Variants in PLXNB3 observed in about 807,000 individuals in gnomAD.
PLXNB3 encodes the protein plexin B3, also known as plexin-B3.
In PLXNB3, 80 loss-of-function variants were observed where a neutral mutation model predicts 125.7. The observed-to-expected ratio is 0.64, with a 90% CI of 0.53 to 0.77. The LOEUF is 0.77. Among genes scored for constraint, PLXNB3 ranks in the 30% least tolerant of loss-of-function variants. The pLI, the probability that PLXNB3 is intolerant of heterozygous loss-of-function variation, is 0.00. For missense variants in PLXNB3, 1,836 were observed against 1,729.3 expected (o/e 1.06, Z -1.09); for synonymous variants, 954 against 783.3 (o/e 1.22, Z -3.64).
Position 153,774,411 on chromosome X carries a change from G to A in PLXNB3, c.3679-9G>A, listed in dbSNP as rs782224519. 171 of 1,176,041 alleles carry A rather than the reference G, an allele frequency of 1.5e-4. 1 individual carries two copies. Among genetic ancestry groups the A allele is most frequent in the Middle Eastern group, 2.3e-4 (1 of 4,256 alleles). On this transcript the variant is annotated splice_polypyrimidine_tract_variant and intron_variant, in intron 21 of 35. Coordinates refer to ENST00000361971, the MANE Select transcript of PLXNB3 (RefSeq NM_005393.3). ...CAGCATGCACTCAGGAACCCTGCCCGCCCCCCAGGTGCAGATGGGCAATGT... is the reference window on the plus strand; with the variant it reads ...CAGCATGCACTCAGGAACCCTGCCCACCCCCCAGGTGCAGATGGGCAATGT...
intron 3 of PLXNB3, 27 bp from the exon 4 acceptor site, chrX:153,768,222 G>A: frequency 3.4e-6 from 4 of 1,165,247 alleles, no homozygotes; most frequent in Non-Finnish European, 3.5e-6. Flanking sequence ...TCTTCCGGGG[G>A]CTGATTCTCC....
rs781932434 is a variant in PLXNB3, at chrX:153,774,262, C to T, written c.3596C>T (p.Thr1199Met). 2.5e-6 allele frequency: 3 copies of T among 1,182,999 alleles called. No homozygotes were observed. The highest frequency in any genetic ancestry group is 3.4e-6 in the Non-Finnish European group (3 of 885,483). ...HIGRGECLVK[T>M]LTRTHLYCEP... is the part of the protein sequence containing the mutation. ...GGCCGCGGCGAGTGCCTGGTGAAGA[C>T]GCTCACGCGCACCCACCTGTACTGC... The change falls in exon 21 of 36, where the codon ACG (threonine) becomes ATG (methionine). Residue 1199 changes from threonine (T) to methionine (M), a missense_variant. Thr to Met is a moderately conservative substitution (Grantham distance 81). Coordinates refer to ENST00000361971, the MANE Select transcript of PLXNB3 (RefSeq NM_005393.3).
intron 2 of PLXNB3, 176 bp from the exon 3 acceptor site, chrX:153,766,697 C>G (rs1164687410): frequency 9.6e-6 from 7 of 728,461 alleles, no homozygotes; most frequent in Non-Finnish European, 1.1e-5. Flanking sequence ...ATGTCCCCCT[C>G]TCTCTGTGCC....
chrX:153,767,544 C>T lies in PLXNB3; in HGVS notation c.717C>T (p.Ala239=), dbSNP rs782656506. The T allele has an allele frequency of 2.6e-5, 30 of 1,174,234 alleles. No homozygotes were observed. In the Admixed American group the frequency reaches 5.5e-4, roughly 22 times the overall value. The change falls in exon 3 of 36, where the codon GCC becomes GCT. Residue 239 remains alanine (A), a synonymous_variant. Transcript: ENST00000361971. ...DYNNSYVGAF[A]DARSAYFVFR... ...ACAACAGCTACGTCGGGGCCTTTGC[C>T]GACGCCCGCTCCGCCTACTTCGTGT...
chrX:153,778,332 G>A lies in PLXNB3; in HGVS notation c.5474+7G>A, dbSNP rs782398229. 2.0e-5 allele frequency: 24 copies of A among 1,206,004 alleles called. No individual in the cohort carries two copies. In the Admixed American group the frequency reaches 2.8e-4, roughly 14 times the overall value. On this transcript the variant is annotated splice_region_variant and intron_variant, in intron 33 of 35. Coordinates refer to ENST00000361971, the MANE Select transcript of PLXNB3 (RefSeq NM_005393.3). ...ACAAGCAGATGGTGGAGAGGTGGGTGTCAGAGGCATCGGGGCTGCGGGGAA... is the reference window on the plus strand; with the variant it reads ...ACAAGCAGATGGTGGAGAGGTGGGTATCAGAGGCATCGGGGCTGCGGGGAA...
At chrX:153,769,108 C>A in intron 5 of PLXNB3, 32 bp downstream of exon 5, 1 of 1,201,916 alleles carries the variant, frequency 8.3e-7, no homozygotes, top group Non-Finnish European at 1.1e-6. Flanking sequence ...AAGGGGCCAG[C>A]ACACGCGGCC....
chrX:153,777,113 TC>T (rs2092005969), intron 29 of PLXNB3, 94 bp from the exon 30 acceptor site: 1 of 1,045,684 alleles, frequency 9.6e-7, no homozygotes. Flanking sequence ...TTTCTTCCAG[TC>T]CCCACACTGC....
At position 153,774,227 on chromosome X, in the gene PLXNB3, C is replaced by T. The variant is rs1318601003; in HGVS notation, c.3561C>T (p.Arg1187=). Residue 1187 remains arginine, a synonymous_variant, in exon 21 of 36, where the codon CGC becomes CGT. Transcript: ENST00000361971. ...LNLGISKEEV[R]VHIGRGECLV... ...TGGGCATCAGCAAGGAGGAGGTGCGCGTGCACATCGGCCGCGGCGAGTGCC... is the reference window on the plus strand; with the variant it reads ...TGGGCATCAGCAAGGAGGAGGTGCGTGTGCACATCGGCCGCGGCGAGTGCC... 8.4e-5 allele frequency: 101 copies of T among 1,199,849 alleles called. 1 individual carries two copies. Among genetic ancestry groups the T allele is most frequent in the Non-Finnish European group, 1.1e-4 (96 of 893,644 alleles).
In PLXNB3 at chrX:153,775,263, G is replaced by C; in HGVS notation, c.4194G>C (p.Gln1398His). The change falls in exon 25 of 36, where the codon CAG becomes CAC. Residue 1398 changes from glutamine (Q) to histidine (H), a missense_variant. Gln to His is a conservative substitution (Grantham distance 24). Coordinates refer to ENST00000361971, the MANE Select transcript of PLXNB3 (RefSeq NM_005393.3). ...TGGAGGAGCAGCCCAGCTTTTCCCA[G>C]AGGGATCGCTGCCATGTGGCTTCGC... ...HTLEEQPSFSQRDRCHVASLL... is the reference protein window; with the variant it reads ...HTLEEQPSFSHRDRCHVASLL... The C allele has an allele frequency of 8.3e-7, 1 of 1,201,519 alleles. No homozygotes were observed.
chrX:153,778,303 C>T lies in PLXNB3; in HGVS notation c.5452C>T (p.Arg1818Cys), dbSNP rs782313955. ...ACTGCTCTACGCCCGGGAGATCCCACGCTACAAGCAGATGGTGGAGAGGTG... is the reference window on the plus strand; with the variant it reads ...ACTGCTCTACGCCCGGGAGATCCCATGCTACAAGCAGATGGTGGAGAGGTG... ...NKLLYAREIP[R>C]YKQMVERYYA... is the part of the protein sequence containing the mutation. Residue 1818 changes from arginine to cysteine, a missense_variant, in exon 33 of 36, where the codon CGC (arginine) becomes TGC (cysteine). Physicochemically the swap from Arg to Cys is radical, Grantham distance 180. Coordinates refer to ENST00000361971, the MANE Select transcript of PLXNB3 (RefSeq NM_005393.3). 28 of 1,200,493 alleles carry T rather than the reference C, an allele frequency of 2.3e-5. No homozygotes were observed. The highest frequency in any genetic ancestry group is 2.9e-5 in the Non-Finnish European group (26 of 888,846).
intron 29 of PLXNB3, 93 bp downstream of exon 29, chrX:153,777,073 C>T: frequency 1.0e-6 from 1 of 979,060 alleles, no homozygotes. Flanking sequence ...CATCCCCCAC[C>T]CCACCGAGAT....
intron 12 of PLXNB3, 28 bp from the exon 13 acceptor site, chrX:153,771,282 C>T: frequency 8.6e-7 from 1 of 1,160,235 alleles, no homozygotes; most frequent in Non-Finnish European, 1.2e-6. Flanking sequence ...GAGTGGGCAC[C>T]CAGCCTGACC....
At chrX:153,766,574 A>G (rs1557059271) in intron 2 of PLXNB3, 1 of 1,027,261 alleles carries the variant, frequency 9.7e-7, no homozygotes, top group Non-Finnish European at 1.2e-6. Context: ...AACAATCTAC[A>G]TGCATATAAA....
At chrX:153,777,433 G>A (rs781900877) in intron 30 of PLXNB3, 53 bp downstream of exon 30, 22 of 1,178,572 alleles carry the variant, frequency 1.9e-5, no homozygotes, top group African/African-American at 7.0e-5. Context: ...CAGGGACCCC[G>A]ACCGAGCCAG....
At chrX:153,770,473 G>T in intron 9 of PLXNB3, 27 bp downstream of exon 9, 1 of 1,200,577 alleles carries the variant, frequency 8.3e-7, no homozygotes, top group Non-Finnish European at 1.1e-6. Flanking sequence ...GCCTCCTGGG[G>T]TAGGGGTGGC....
intron 4 of PLXNB3, 137 bp downstream of exon 4, chrX:153,768,565 G>A (rs1299896385): frequency 1.7e-6 from 1 of 573,544 alleles, no homozygotes. Flanking sequence ...ACTGCTGGCT[G>A]AGCACTGCCC....
intron 17 of PLXNB3, 72 bp downstream of exon 17, chrX:153,773,088 G>T: frequency 9.1e-7 from 1 of 1,095,245 alleles, no homozygotes; most frequent in Non-Finnish European, 1.2e-6. Context: ...TACATTTAGA[G>T]AAGTGGTTGC....
chrX:153,773,704 G>A lies in PLXNB3; in HGVS notation c.3270G>A (p.Gly1090=), dbSNP rs1475133295. The change falls in exon 19 of 36, where the codon GGG becomes GGA. Residue 1090 remains glycine, a synonymous_variant. Transcript: ENST00000361971. The stretch of plus-strand genomic sequence containing the variant: ...AGGCTTGTATCCAGCTCGGTGGGGG[G>A]CTGCTGCAGGTGAGCCCCTCACCAG... ...DPQACIQLGG[G]LLQCSTVCSV... is the part of the protein sequence containing the mutation. 1.7e-6 allele frequency: 2 copies of A among 1,161,563 alleles called. No homozygotes were observed. Among genetic ancestry groups the A allele is most frequent in the Admixed American group, 2.4e-5 (1 of 41,407 alleles).
In PLXNB3 at chrX:153,767,522, A is replaced by G. The variant is rs781970994; in HGVS notation, c.695A>G (p.Asn232Ser). ...LVVGDFSDYN[N>S]SYVGAFADAR... ...GTGGGCGACTTCTCCGACTACAACAACAGCTACGTCGGGGCCTTTGCCGAC... is the reference window on the plus strand; with the variant it reads ...GTGGGCGACTTCTCCGACTACAACAGCAGCTACGTCGGGGCCTTTGCCGAC... Residue 232 changes from asparagine (N) to serine (S), a missense_variant, in exon 3 of 36, where the codon AAC becomes AGC. Physicochemically the swap from Asn to Ser is conservative, Grantham distance 46. Transcript: ENST00000361971. The G allele has an allele frequency of 3.4e-5, 40 of 1,176,876 alleles. No individual in the cohort carries two copies. The highest frequency in any genetic ancestry group is 5.3e-5 in the African/African-American group (3 of 56,674).
Sources: allele counts gnomAD v4.1 joint callset, GRCh38; gene constraint gnomAD v4.1.1; transcripts MANE v1.5; gene names NCBI Gene and HGNC (gene_info 2026-07-23, HGNC 2026-07-21).